Variants in CDKL4 observed in about 807,000 individuals in gnomAD.
The protein encoded by CDKL4 is cyclin dependent kinase like 4.
A neutral mutation model predicts 42.0 loss-of-function variants in CDKL4; 44 were observed. The ratio of observed to expected loss-of-function variants is 1.05; its 90% confidence interval spans 0.82 to 1.35. The LOEUF (loss-of-function observed/expected upper bound fraction) is 1.35, where lower values mean the gene tolerates loss of function less well. Ranked by LOEUF, CDKL4 falls within the 40% of genes most tolerant of loss-of-function variation. The pLI is 0.00. For missense variants in CDKL4, 393 were observed against 369.9 expected (o/e 1.06, Z -0.51); for synonymous variants, 120 against 121.6 (o/e 0.99, Z 0.09).
upstream of CDKL4, among the ~76,000 whole-genome samples, chr2:39,244,320 C>T (rs1490303743): frequency 2.0e-5 from 3 of 152,232 alleles, no homozygotes; most frequent in African/African-American, 7.2e-5. Context: ...CGCTTGCGGG[C>T]CAGCTGGAGT....
At chr2:39,235,797 T>C (rs1573032402) in intron 1 of CDKL4, among the ~76,000 whole-genome samples, 1 of 151,856 alleles carries the variant, frequency 6.6e-6, no homozygotes, top group South Asian at 2.1e-4. Context: ...CACCCCACAA[T>C]TGCTATAATA....
At chr2:39,224,686 T>C (rs767899457) in intron 3 of CDKL4, among the ~76,000 whole-genome samples, 6 of 151,912 alleles carry the variant, frequency 3.9e-5, no homozygotes, top group Admixed American at 6.6e-5. Context: ...ATCTTTTTAG[T>C]AGAGACAGGG....
At chr2:39,215,880 A>G (rs1677887578) in intron 3 of CDKL4, among the ~76,000 whole-genome samples, 1 of 152,168 alleles carries the variant, frequency 6.6e-6, no homozygotes, top group Non-Finnish European at 1.5e-5. Context: ...AAATGTACCT[A>G]ATTTTCATGA....
chr2:39,211,176 G>C (rs747612406), intron 4 of CDKL4, among the ~76,000 whole-genome samples: 1 of 152,188 alleles, frequency 6.6e-6, no homozygotes. Flanking sequence ...GGGCAGCCAA[G>C]GCAGGAGTTT....
At chr2:39,189,179 G>C (rs905908834) in intron 6 of CDKL4, among the ~76,000 whole-genome samples, 3 of 152,346 alleles carry the variant, frequency 2.0e-5, no homozygotes, top group Admixed American at 1.3e-4. Flanking sequence ...GCTGCCAGGA[G>C]AGCCTGTGGG....
Position 39,225,987 on chromosome 2 carries a change from A to T in CDKL4, c.169-27T>A, listed in dbSNP as rs138920388. 9.3e-3 allele frequency: 14,965 copies of T among 1,601,880 alleles called. 107 individuals carry two copies. Among genetic ancestry groups the T allele is most frequent in the Non-Finnish European group, 0.011 (13,120 of 1,175,476 alleles). On this transcript the variant is annotated intron_variant, in intron 2 of 9. Coordinates refer to ENST00000451199, the Ensembl canonical transcript of CDKL4. ...TGTGAAAGAATTGAAATGCAAAGTT[A>T]AGTGATCTGTTACTAGTAAAAGCTT... is the stretch of plus-strand genomic sequence containing the variant.
chr2:39,198,474 A>G (rs1676652255), intron 5 of CDKL4, among the ~76,000 whole-genome samples: 1 of 152,174 alleles, frequency 6.6e-6, no homozygotes, highest in Non-Finnish European at 1.5e-5. Context: ...CTTAAACTAT[A>G]TCCTACAACA....
chr2:39,219,327 G>A (rs1013924485), intron 3 of CDKL4, among the ~76,000 whole-genome samples: 4 of 152,248 alleles, frequency 2.6e-5, no homozygotes, highest in Non-Finnish European at 2.9e-5. Context: ...CTGATGTAAT[G>A]AGGACGGAAG....
intron 3 of CDKL4, among the ~76,000 whole-genome samples, chr2:39,225,078 C>G (rs1274360930): frequency 1.3e-5 from 2 of 152,126 alleles, no homozygotes; most frequent in Admixed American, 6.6e-5. Context: ...TGTTTCCTCA[C>G]TTTAATGAAA....
In CDKL4 at chr2:39,187,666, C is replaced by T. The variant is rs758465975; in HGVS notation, c.696G>A (p.Gly232=). The T allele has an allele frequency of 2.5e-6, 4 of 1,612,958 alleles. No individual in the cohort carries two copies. In the African/African-American group the frequency reaches 5.3e-5, roughly 22 times the overall value. The change falls in exon 7 of 10, where the codon GGG becomes GGA. Residue 232 remains glycine (G), a synonymous_variant. Transcript: ENST00000451199. ...CAGGTATACTGATGCCATGGAAAAA[C>T]CCGTTACTTTTAAAGATTGATTGAT...
chr2:39,202,315 G>A (rs915711647), intron 5 of CDKL4, among the ~76,000 whole-genome samples: 6 of 152,054 alleles, frequency 3.9e-5, no homozygotes, highest in Admixed American at 2.6e-4. Context: ...AACACCACCT[G>A]TTCCCCAAAA....
chr2:39,186,483 A>G (rs992202934), intron 7 of CDKL4, among the ~76,000 whole-genome samples: 2 of 152,286 alleles, frequency 1.3e-5, no homozygotes, highest in East Asian at 3.9e-4. Context: ...ATGGAGCTTT[A>G]AAGAGCATAG....
At chr2:39,240,511 T>C (rs1470295517) in intron 1 of CDKL4, among the ~76,000 whole-genome samples, 1 of 150,568 alleles carries the variant, frequency 6.6e-6, no homozygotes, top group Non-Finnish European at 1.5e-5. Flanking sequence ...AACAATGACA[T>C]GTAAGCAAAT....
exon 3 of CDKL4, chr2:39,225,952 T>C: frequency 6.2e-7 from 1 of 1,608,970 alleles, no homozygotes; most frequent in Non-Finnish European, 8.5e-7. Context: ...GATTTGGATG[T>C]TTTAATTGCT....
At chr2:39,227,510 G>C (rs1678826525) in intron 2 of CDKL4, among the ~76,000 whole-genome samples, 1 of 152,116 alleles carries the variant, frequency 6.6e-6, no homozygotes, top group Admixed American at 6.5e-5. Flanking sequence ...GGAGGATCGC[G>C]TGAACCTAGG....
chr2:39,171,275 T>C (rs1197030227), downstream of CDKL4, among the ~76,000 whole-genome samples: 1 of 151,960 alleles, frequency 6.6e-6, no homozygotes, highest in Non-Finnish European at 1.5e-5. Context: ...ACCTTAATAT[T>C]GTGGTTGGGA....
intron 1 of CDKL4, among the ~76,000 whole-genome samples, chr2:39,231,423 T>C (rs1009088278): frequency 6.6e-6 from 1 of 152,210 alleles, no homozygotes; most frequent in Non-Finnish European, 1.5e-5. Flanking sequence ...AAAGAAATAA[T>C]CTACTTCCAC....
chr2:39,205,750 A>T (rs1301300206), intron 4 of CDKL4, among the ~76,000 whole-genome samples: 1 of 96,270 alleles, frequency 1.0e-5, no homozygotes, highest in East Asian at 3.1e-4. Flanking sequence ...ACGGAGCGAG[A>T]CTCCGTCTCA....
chr2:39,213,397 T>TGG lies in CDKL4; in HGVS notation c.363+2_363+3insCC. Reference sequence around the variant, plus strand: ...AATAAATACATTAGAAAATGTTACTTACGTTATGTATATGACAGAAATTAA... The same window carrying TGG: ...AATAAATACATTAGAAAATGTTACTTGGACGTTATGTATATGACAGAAATTAA... On this transcript the variant is annotated splice_region_variant and intron_variant, in intron 4 of 9. Coordinates refer to ENST00000451199, the Ensembl canonical transcript of CDKL4. 1 of 1,550,636 alleles carries TGG rather than the reference T, an allele frequency of 6.4e-7. No homozygotes were observed.
Sources: gnomAD v4.1 joint callset for allele counts (sites outside exome capture counted in the v4.1 genomes callset) on GRCh38, gnomAD v4.1.1 for gene constraint, MANE v1.5 for transcripts, NCBI Gene and HGNC (gene_info 2026-07-23, HGNC 2026-07-21) for gene names.